The following PAIP2 variants were observed in gnomAD, a reference collection of about 807,000 sequenced individuals.
PAIP2 encodes the protein polyadenylate-binding protein-interacting protein 2.
PAIP2 carries 7 observed loss-of-function variants against 14.8 expected under a neutral mutation model. That is an observed-to-expected ratio of 0.47 (90% CI 0.27 to 0.89). PAIP2 has a LOEUF of 0.89. PAIP2 is among the 40% of genes least tolerant of loss of function. The probability of loss-of-function intolerance (pLI) is 0.13; values close to 1 mark genes in which losing one functional copy is unlikely to be tolerated. For missense variants in PAIP2, 122 were observed against 154.7 expected, an observed-to-expected ratio of 0.79 and a Z score of 1.12; for synonymous variants, 47 against 45.3, an observed-to-expected ratio of 1.04 and a Z score of -0.15.
At chr5:139,356,681 C>T (rs947215600) in intron 1 of PAIP2, among the ~76,000 whole-genome samples, 10 of 151,276 alleles carry the variant, frequency 6.6e-5, no homozygotes, top group African/African-American at 1.7e-4. Context: ...GTCAGGAGTT[C>T]GAGACCAGCC....
At chr5:139,361,854 G>C (rs184352892) in intron 1 of PAIP2, among the ~76,000 whole-genome samples, 73 of 151,240 alleles carry the variant, frequency 4.8e-4, no homozygotes, top group Non-Finnish European at 8.1e-4. Flanking sequence ...GCTGAGGCAG[G>C]AGAATTGCTT....
intron 3 of PAIP2, 21 bp downstream of exon 3, chr5:139,364,764 T>C: frequency 1.3e-6 from 2 of 1,539,928 alleles, no homozygotes; most frequent in Non-Finnish European, 1.8e-6. Flanking sequence ...ATTTTTCATC[T>C]TTTTAAAACC....
At chr5:139,357,719 T>G (rs1299559874) in intron 1 of PAIP2, among the ~76,000 whole-genome samples, 2 of 152,164 alleles carry the variant, frequency 1.3e-5, no homozygotes, top group Non-Finnish European at 2.9e-5. Context: ...TAGTCCCAGC[T>G]ACTTGTGAGG....
At chr5:139,348,695 A>T (rs906258779) in intron 1 of PAIP2, among the ~76,000 whole-genome samples, 13 of 127,706 alleles carry the variant, frequency 1.0e-4, no homozygotes, top group South Asian at 2.4e-4. Flanking sequence ...TTTTTTTTTT[A>T]AAGTCAGAGT....
chr5:139,358,722 T>A lies in PAIP2; in HGVS notation c.-26-5037T>A, dbSNP rs150135075. 3.3e-3 allele frequency among the ~76,000 whole-genome samples: 498 copies of A among 152,336 alleles called. 1 individual carries two copies. Among genetic ancestry groups the A allele is most frequent in the African/African-American group, 0.011 (475 of 41,570 alleles). On this transcript the variant is annotated intron_variant, in intron 1 of 3. Transcript: ENST00000265192. ...ATACATGCTACAACATAGGTGAACC[T>A]TGAAAACATTGTAATAAGTGAAAGA...
chr5:139,356,780 G>A lies in PAIP2; in HGVS notation c.-26-6979G>A, dbSNP rs1380710080. ...CATGCGCCTGTAGTCCCAGCTACTC[G>A]GGAGGCTGAGGCAGGAGAATCGCTT... On this transcript the variant is annotated intron_variant, in intron 1 of 3. Transcript: ENST00000265192. Among the ~76,000 whole-genome samples the A allele has an allele frequency of 2.6e-5, 4 of 151,746 alleles. No homozygotes were observed. The East Asian group carries it at 7.7e-4, about 29-fold the overall frequency.
intron 1 of PAIP2, among the ~76,000 whole-genome samples, chr5:139,353,919 G>A (rs910967750): frequency 2.6e-5 from 4 of 151,882 alleles, no homozygotes; most frequent in Admixed American, 2.6e-4. Flanking sequence ...ACGGGGTTTT[G>A]CCATGTTGGC....
chr5:139,344,375 G>A (rs1756473939), intron 1 of PAIP2, among the ~76,000 whole-genome samples: 1 of 152,202 alleles, frequency 6.6e-6, no homozygotes, highest in Admixed American at 6.5e-5. Flanking sequence ...CCAAGTCATT[G>A]CCTTTGTGAT....
chr5:139,348,181 T>A (rs1300217574), intron 1 of PAIP2, among the ~76,000 whole-genome samples: 2 of 151,336 alleles, frequency 1.3e-5, no homozygotes, highest in Non-Finnish European at 2.9e-5. Flanking sequence ...GTGATGAATT[T>A]ATTTATTTAT....
At chr5:139,357,854 A>G (rs530899573) in intron 1 of PAIP2, among the ~76,000 whole-genome samples, 54 of 152,292 alleles carry the variant, frequency 3.5e-4, no homozygotes, top group Non-Finnish European at 6.3e-4. Context: ...TAATATTGAT[A>G]TTGCTACCTC....
At chr5:139,345,666 T>C in intron 1 of PAIP2, among the ~76,000 whole-genome samples, 1 of 151,212 alleles carries the variant, frequency 6.6e-6, no homozygotes, top group African/African-American at 2.4e-5. Flanking sequence ...CTTGCTCTGT[T>C]GCCCAGGCCT....
chr5:139,348,514 T>A (rs1449240865), intron 1 of PAIP2, among the ~76,000 whole-genome samples: 1 of 146,768 alleles, frequency 6.8e-6, no homozygotes, highest in Non-Finnish European at 1.5e-5. Context: ...GCCACCATAC[T>A]TGGCTAATTT....
chr5:139,346,543 A>G (rs1756555857), intron 1 of PAIP2, among the ~76,000 whole-genome samples: 1 of 149,636 alleles, frequency 6.7e-6, no homozygotes. Context: ...GCCTATTTTT[A>G]TTTTTTGAGA....
intron 1 of PAIP2, among the ~76,000 whole-genome samples, chr5:139,361,374 G>T (rs956801596): frequency 1.3e-5 from 2 of 152,106 alleles, no homozygotes; most frequent in Non-Finnish European, 2.9e-5. Flanking sequence ...TTTAGATTTA[G>T]TGTTTTACTT....
At chr5:139,363,997 G>GT in intron 2 of PAIP2, 75 bp downstream of exon 2, 1 of 1,278,448 alleles carries the variant, frequency 7.8e-7, no homozygotes, top group Non-Finnish European at 1.1e-6. Flanking sequence ...CCTGAAATGT[G>GT]TTTATCTTGT....
At chr5:139,350,316 T>A (rs1756688815) in intron 1 of PAIP2, among the ~76,000 whole-genome samples, 1 of 152,024 alleles carries the variant, frequency 6.6e-6, no homozygotes, top group Admixed American at 6.6e-5. Flanking sequence ...GTGTAATATA[T>A]ACATCATTCT....
chr5:139,357,601 A>G (rs7719788), intron 1 of PAIP2, among the ~76,000 whole-genome samples: 10,799 of 152,138 alleles, frequency 0.071, 618 homozygotes, highest in African/African-American at 0.15. Context: ...GGGAGGCTGA[A>G]GCGGGCGGAT....
chr5:139,346,154 G>GA (rs1756539860), intron 1 of PAIP2, among the ~76,000 whole-genome samples: 1 of 152,180 alleles, frequency 6.6e-6, no homozygotes, highest in Admixed American at 6.5e-5. Flanking sequence ...GTAGTACTGG[G>GA]AAAAAATTGC....
intron 3 of PAIP2, 140 bp from the exon 4 acceptor site, chr5:139,368,593 T>G: frequency 8.2e-6 from 5 of 611,286 alleles, no homozygotes; most frequent in Non-Finnish European, 5.9e-6. Flanking sequence ...GGTTCTTCCT[T>G]TTTGGGGTTT....
Sources: gnomAD v4.1 joint callset for allele counts (sites outside exome capture counted in the v4.1 genomes callset) on GRCh38, gnomAD v4.1.1 for gene constraint, MANE v1.5 for transcripts, NCBI Gene and HGNC (gene_info 2026-07-23, HGNC 2026-07-21) for gene names.